STPG2: variants seen among roughly 807,000 people sequenced by gnomAD.
STPG2 encodes the protein sperm tail PG-rich repeat containing 2.
STPG2 carries 56 observed loss-of-function variants against 54.2 expected under a neutral mutation model. That is an observed-to-expected ratio of 1.03 (90% CI 0.83 to 1.29). STPG2 has a LOEUF of 1.29. STPG2 is among the 50% of genes most tolerant of loss of function. The pLI, the probability that STPG2 is intolerant of heterozygous loss-of-function variation, is 0.00. For synonymous variants in STPG2, 200 were observed against 181.8 expected (o/e 1.10, Z -0.81); for missense variants, 596 against 544.9 (o/e 1.09, Z -0.93).
chr4:97,782,209 A>T (rs1253190957), intron 9 of STPG2, among the ~76,000 whole-genome samples: 1 of 152,214 alleles, frequency 6.6e-6, no homozygotes, highest in Admixed American at 6.5e-5. Flanking sequence ...AAATCTCCTT[A>T]AGCTGATAAG....
At chr4:97,974,077 G>A (rs1414002748) in intron 6 of STPG2, among the ~76,000 whole-genome samples, 1 of 152,190 alleles carries the variant, frequency 6.6e-6, no homozygotes, top group Non-Finnish European at 1.5e-5. Context: ...AAAGCCTCAG[G>A]GATGGAGATG....
At chr4:97,581,181 C>T (rs1017502568) in intron 10 of STPG2, among the ~76,000 whole-genome samples, 3 of 152,020 alleles carry the variant, frequency 2.0e-5, no homozygotes, top group Non-Finnish European at 4.4e-5. Flanking sequence ...ACTAAACACA[C>T]TTTAGTTGCT....
chr4:97,968,154 G>A (rs986824981), intron 7 of STPG2, among the ~76,000 whole-genome samples: 1 of 151,948 alleles, frequency 6.6e-6, no homozygotes, highest in Non-Finnish European at 1.5e-5. Flanking sequence ...TCAAATAGAT[G>A]CAATAAAAAA....
chr4:97,676,386 A>G (rs1302673765), intron 10 of STPG2, among the ~76,000 whole-genome samples: 1 of 152,044 alleles, frequency 6.6e-6, no homozygotes, highest in Non-Finnish European at 1.5e-5. Flanking sequence ...AGTTCCCTAC[A>G]TCAATTTTTC....
intron 4 of STPG2, among the ~76,000 whole-genome samples, chr4:97,523,265 C>T (rs1731218161): frequency 6.6e-6 from 1 of 151,806 alleles, no homozygotes; most frequent in African/African-American, 2.4e-5. Flanking sequence ...AATAGAGTCT[C>T]TTCTACCCCC....
chr4:97,771,331 T>C (rs1052712687), intron 9 of STPG2, among the ~76,000 whole-genome samples: 1 of 152,178 alleles, frequency 6.6e-6, no homozygotes, highest in Non-Finnish European at 1.5e-5. Flanking sequence ...CTCTGTGCCA[T>C]GCTCTAGGAC....
At chr4:97,457,252 T>C (rs137905435) in intron 4 of STPG2, among the ~76,000 whole-genome samples, 2 of 152,356 alleles carry the variant, frequency 1.3e-5, no homozygotes, top group East Asian at 1.9e-4. Context: ...ATACTCTTTG[T>C]TATTTAACCA....
At chr4:97,823,407 C>G (rs1270875922) in intron 9 of STPG2, among the ~76,000 whole-genome samples, 2 of 152,142 alleles carry the variant, frequency 1.3e-5, no homozygotes, top group East Asian at 3.9e-4. Context: ...AAAAGCAAAC[C>G]CTGGGTGAAT....
intron 8 of STPG2, among the ~76,000 whole-genome samples, chr4:97,912,496 T>A (rs567228848): frequency 2.6e-5 from 4 of 152,058 alleles, no homozygotes; most frequent in Non-Finnish European, 5.9e-5. Context: ...GGAGCTGAAA[T>A]ACAACACAAA....
chr4:97,736,542 A>G (rs4499704), intron 9 of STPG2, among the ~76,000 whole-genome samples: 127,593 of 152,064 alleles, frequency 0.84, 53,696 homozygotes, highest in Middle Eastern at 0.95. Context: ...AAAAAACGGC[A>G]CACCAGGAGA....
intron 9 of STPG2, among the ~76,000 whole-genome samples, chr4:97,833,358 A>T (rs763127768): frequency 6.6e-6 from 1 of 152,238 alleles, no homozygotes; most frequent in Non-Finnish European, 1.5e-5. Context: ...AATTAACTCA[A>T]GATGAATTAA....
intron 2 of STPG2, among the ~76,000 whole-genome samples, chr4:98,131,007 G>A (rs77976213): frequency 1.2e-3 from 184 of 147,890 alleles, no homozygotes; most frequent in African/African-American, 4.4e-3. Flanking sequence ...CTCTCCCTTC[G>A]CTCCTGTACT....
chr4:97,578,620 T>C (rs1031267458), intron 10 of STPG2, among the ~76,000 whole-genome samples: 5 of 151,818 alleles, frequency 3.3e-5, no homozygotes, highest in Non-Finnish European at 1.5e-5. Flanking sequence ...TTTGCCAGAA[T>C]TATTGGCATG....
At chr4:97,565,073 A>G (rs1437106808) in intron 10 of STPG2, among the ~76,000 whole-genome samples, 1 of 152,126 alleles carries the variant, frequency 6.6e-6, no homozygotes, top group Non-Finnish European at 1.5e-5. Context: ...AGGTACACCA[A>G]TCAGACGTAG....
intron 10 of STPG2, among the ~76,000 whole-genome samples, chr4:97,592,622 A>G (rs1184222073): frequency 6.6e-6 from 1 of 152,114 alleles, no homozygotes; most frequent in Non-Finnish European, 1.5e-5. Flanking sequence ...CTCCAAGCAG[A>G]TATTTGGAAG....
chr4:97,995,235 T>C (rs1735166776), intron 5 of STPG2, among the ~76,000 whole-genome samples: 1 of 132,802 alleles, frequency 7.5e-6, no homozygotes, highest in South Asian at 2.6e-4. Flanking sequence ...GGATGAGAAC[T>C]TGCCCAAGGC....
At chr4:97,784,336 T>A (rs1022906843) in intron 9 of STPG2, among the ~76,000 whole-genome samples, 4 of 152,162 alleles carry the variant, frequency 2.6e-5, no homozygotes, top group Non-Finnish European at 4.4e-5. Context: ...AAAGACTATT[T>A]GTTACTTTTT....
rs186141749 is a variant in STPG2 at position 97,658,752 on chromosome 4, T to A, written c.1320+53947A>T. Among the ~76,000 whole-genome samples, 17 of 152,302 alleles carry A rather than the reference T, an allele frequency of 1.1e-4. 1 individual carries two copies. The highest frequency in any genetic ancestry group is 8.5e-4 in the Admixed American group (13 of 15,298). On this transcript the variant is annotated intron_variant, in intron 10 of 10. Coordinates refer to ENST00000295268, the MANE Select transcript of STPG2 (RefSeq NM_174952.3). Reference sequence around the variant, plus strand: ...AACTGCTTTTTCTAAGAAATTAAATTTTCTTTAAAAAGTTACATACACATG... The same window carrying A: ...AACTGCTTTTTCTAAGAAATTAAATATTCTTTAAAAAGTTACATACACATG...
intron 8 of STPG2, among the ~76,000 whole-genome samples, chr4:97,887,906 A>G (rs1578657059): frequency 1.3e-5 from 2 of 152,158 alleles, no homozygotes; most frequent in African/African-American, 2.4e-5. Context: ...TGCTCCCTGC[A>G]TCCCAGCCAC....
Sources: allele counts gnomAD v4.1 joint callset (sites outside exome capture counted in the v4.1 genomes callset), GRCh38; gene constraint gnomAD v4.1.1; transcripts MANE v1.5; gene names NCBI Gene and HGNC (gene_info 2026-07-23, HGNC 2026-07-21).